The following TMEM132B variants were observed in gnomAD, a reference collection of about 807,000 sequenced individuals.
TMEM132B encodes the protein transmembrane protein 132B.
TMEM132B carries 18 observed loss-of-function variants against 90.8 expected under a neutral mutation model. That is an observed-to-expected ratio of 0.20 (90% CI 0.14 to 0.29). The LOEUF is 0.29. Among genes scored for constraint, TMEM132B ranks in the 10% least tolerant of loss-of-function variants. The pLI, the probability that TMEM132B is intolerant of heterozygous loss-of-function variation, is 1.00. For missense variants in TMEM132B, 1,096 were observed against 1,326.8 expected, an observed-to-expected ratio of 0.83 and a Z score of 2.70; for synonymous variants, 504 against 523.3, an observed-to-expected ratio of 0.96 and a Z score of 0.50.
chr12:125,247,061 G>A (rs966756404), intron 1 of TMEM132B, among the ~76,000 whole-genome samples: 2 of 152,178 alleles, frequency 1.3e-5, no homozygotes, highest in Admixed American at 1.3e-4. Context: ...TATTTCTTCT[G>A]TGTGCTGTTT....
chr12:125,290,013 TATACCATG>T (rs1875489911), intron 1 of TMEM132B, among the ~76,000 whole-genome samples: 1 of 152,176 alleles, frequency 6.6e-6, no homozygotes, highest in Admixed American at 6.5e-5. Context: ...AAATCAAAGA[TATACCATG>T]TCAGCAAGAG....
intron 2 of TMEM132B, among the ~76,000 whole-genome samples, chr12:125,386,571 CT>C (rs1878841479): frequency 6.6e-6 from 1 of 152,098 alleles, no homozygotes; most frequent in African/African-American, 2.4e-5. Flanking sequence ...ATTTTTTCTT[CT>C]CTACTTGTTC....
chr12:125,602,510 C>G (rs1049229714), intron 5 of TMEM132B, among the ~76,000 whole-genome samples: 2 of 152,182 alleles, frequency 1.3e-5, no homozygotes, highest in African/African-American at 2.4e-5. Context: ...CAGTATCATA[C>G]TGAATGGGCA....
intron 6 of TMEM132B, among the ~76,000 whole-genome samples, chr12:125,648,996 A>G (rs894607849): frequency 6.6e-6 from 1 of 152,222 alleles, no homozygotes; most frequent in African/African-American, 2.4e-5. Context: ...TCCCTGTGAC[A>G]TATTCAGAAG....
At chr12:125,517,398 T>C (rs1313004931) in intron 3 of TMEM132B, among the ~76,000 whole-genome samples, 3 of 146,844 alleles carry the variant, frequency 2.0e-5, no homozygotes, top group Non-Finnish European at 4.5e-5. Context: ...TTCACTATGT[T>C]AGCCAGGATG....
intron 4 of TMEM132B, among the ~76,000 whole-genome samples, chr12:125,566,846 T>C (rs1304869194): frequency 1.4e-5 from 2 of 140,940 alleles, no homozygotes; most frequent in African/African-American, 5.4e-5. Flanking sequence ...TTTTTTTTTT[T>C]TTTTTTTTTT....
intron 1 of TMEM132B, among the ~76,000 whole-genome samples, chr12:125,295,534 G>GAGACAGAGAC (rs1555237233): frequency 5.9e-4 from 74 of 124,912 alleles, no homozygotes; most frequent in Middle Eastern, 8.2e-3. Flanking sequence ...GAGAGAGAGA[G>GAGACAGAGAC]AGAGAGAGAC....
At chr12:125,603,893 G>A (rs942513953) in intron 5 of TMEM132B, among the ~76,000 whole-genome samples, 11 of 152,172 alleles carry the variant, frequency 7.2e-5, no homozygotes, top group African/African-American at 2.7e-4. Context: ...AAACCACAAT[G>A]AGATACCATC....
chr12:125,501,398 G>T (rs891414533), intron 3 of TMEM132B, among the ~76,000 whole-genome samples: 1 of 152,108 alleles, frequency 6.6e-6, no homozygotes, highest in Non-Finnish European at 1.5e-5. Flanking sequence ...AAGTTCCAAG[G>T]TACATGTGCA....
rs1026208247 is a variant in TMEM132B at position 125,406,321 on chromosome 12, C to G, written c.960-9210C>G. On this transcript the variant is annotated intron_variant, in intron 2 of 8. Coordinates refer to ENST00000682704, the MANE Select transcript of TMEM132B (RefSeq NM_001366854.1). The surrounding 1 kb of genome is among the most constrained non-coding windows in gnomAD (Gnocchi z 8.3). The stretch of plus-strand genomic sequence containing the variant: ...AATGGAAGCAGAAGCGATACTACCC[C>G]TGCGGGGTTGCACGAGGCATCTGTG... Among the ~76,000 whole-genome samples, 1 of 152,226 alleles carries G rather than the reference C, an allele frequency of 6.6e-6. No homozygotes were observed. Among genetic ancestry groups the G allele is most frequent in the African/African-American group, 2.4e-5 (1 of 41,454 alleles).
rs1400006677 is a variant in TMEM132B at position 125,654,658 on chromosome 12, G to A, written c.3200G>A (p.Gly1067Glu). The stretch of plus-strand genomic sequence containing the variant: ...TGGGTCTGCCAAGATATGGGGCTGG[G>A]GGATTCACAGGACTTTAGAGACTAT... ...IKWVCQDMGL[G>E]DSQDFRDYME... is the part of the protein sequence containing the mutation. The change falls in exon 9 of 9, where the codon GGG becomes GAG. Residue 1067 changes from glycine (G) to glutamate (E), a missense_variant. Coordinates refer to ENST00000682704, the MANE Select transcript of TMEM132B (RefSeq NM_001366854.1). The surrounding 1 kb of genome is among the most constrained non-coding windows in gnomAD (Gnocchi z 5.8). 6.2e-6 allele frequency: 10 copies of A among 1,614,068 alleles called. No homozygotes were observed. The highest frequency in any genetic ancestry group is 7.6e-6 in the Non-Finnish European group (9 of 1,180,044).
At chr12:125,456,226 G>A (rs980759477) in intron 3 of TMEM132B, among the ~76,000 whole-genome samples, 1 of 152,124 alleles carries the variant, frequency 6.6e-6, no homozygotes, top group African/African-American at 2.4e-5. Context: ...CAGCACCCCC[G>A]AGCCTATTTG....
chr12:125,605,669 A>G (rs560178832), intron 5 of TMEM132B, among the ~76,000 whole-genome samples: 22 of 152,204 alleles, frequency 1.4e-4, no homozygotes, highest in African/African-American at 4.8e-4. Context: ...ATACTACTTA[A>G]TTGTTATTGA....
intron 2 of TMEM132B, among the ~76,000 whole-genome samples, chr12:125,396,626 C>T (rs980236025): frequency 6.6e-6 from 1 of 152,068 alleles, no homozygotes; most frequent in Non-Finnish European, 1.5e-5. Context: ...GATCCTCCCA[C>T]CTCTGAGGTA....
chr12:125,486,153 T>C (rs1882196381), intron 3 of TMEM132B, among the ~76,000 whole-genome samples: 1 of 152,178 alleles, frequency 6.6e-6, no homozygotes, highest in African/African-American at 2.4e-5. Context: ...CCAGTTAAAA[T>C]AAATGTATTT....
intron 1 of TMEM132B, among the ~76,000 whole-genome samples, chr12:125,316,617 T>TCTTTTTTTTTTTTTTTTTA (rs1555239076): frequency 6.6e-6 from 1 of 151,870 alleles, no homozygotes; most frequent in Non-Finnish European, 1.5e-5. Context: ...TAGATGATTT[T>TCTTTTTTTTTTTTTTTTTA]CAGCTGAGGT....
chr12:125,259,508 G>A (rs1874512857), intron 1 of TMEM132B, among the ~76,000 whole-genome samples: 1 of 152,160 alleles, frequency 6.6e-6, no homozygotes, highest in African/African-American at 2.4e-5. Context: ...ACCGGGTTGA[G>A]TTGGAACCCA....
At chr12:125,613,289 A>G (rs1383701676) in intron 5 of TMEM132B, among the ~76,000 whole-genome samples, 2 of 145,126 alleles carry the variant, frequency 1.4e-5, no homozygotes, top group Non-Finnish European at 3.0e-5. Context: ...ATATGGGCAT[A>G]CATGTGTAGT....
At chr12:125,361,674 G>A (rs1427997888) in intron 2 of TMEM132B, among the ~76,000 whole-genome samples, 2 of 152,200 alleles carry the variant, frequency 1.3e-5, no homozygotes, top group Non-Finnish European at 2.9e-5. Context: ...ACTGTCACCT[G>A]CACATTGTGC....
Sources: allele counts gnomAD v4.1 joint callset (sites outside exome capture counted in the v4.1 genomes callset), GRCh38; gene constraint gnomAD v4.1.1; non-coding constraint Gnocchi (gnomAD v3.1); transcripts MANE v1.5; gene names NCBI Gene and HGNC (gene_info 2026-07-23, HGNC 2026-07-21).